PITPNC1: variants seen among roughly 807,000 people sequenced by gnomAD.
PITPNC1 encodes the protein cytoplasmic phosphatidylinositol transfer protein 1.
In PITPNC1, 18 loss-of-function variants were observed where a neutral mutation model predicts 44.7. The ratio of observed to expected loss-of-function variants is 0.40; its 90% CI spans 0.28 to 0.60. The LOEUF (loss-of-function observed/expected upper bound fraction) is 0.60, where lower values mean the gene tolerates loss of function less well. PITPNC1 is among the 20% of genes least tolerant of loss of function. PITPNC1 has a pLI of 0.39. For synonymous variants in PITPNC1, 141 were observed against 149.6 expected (o/e 0.94, Z 0.42); for missense variants, 290 against 418.4 (o/e 0.69, Z 2.68).
chr17:67,447,685 C>T (rs1175182788), intron 1 of PITPNC1, among the ~76,000 whole-genome samples: 1 of 149,944 alleles, frequency 6.7e-6, no homozygotes. Flanking sequence ...TTTTTTGGTG[C>T]CTCGGACATG....
intron 1 of PITPNC1, among the ~76,000 whole-genome samples, chr17:67,467,495 T>C (rs1381396610): frequency 6.6e-6 from 1 of 152,230 alleles, no homozygotes; most frequent in East Asian, 1.9e-4. Context: ...ATGGATGTTG[T>C]CATAGGCTTT....
chr17:67,594,426 T>C (rs914640823), intron 5 of PITPNC1, among the ~76,000 whole-genome samples: 2 of 152,174 alleles, frequency 1.3e-5, no homozygotes, highest in African/African-American at 4.8e-5. Context: ...CTGCAGTCCC[T>C]ATTCCTTTTT....
intron 1 of PITPNC1, chr17:67,408,729 C>T (rs66834140): frequency 0.56 from 73,595 of 130,360 alleles, 20,745 homozygotes; most frequent in African/African-American, 0.67. Flanking sequence ...TTCCTTCCTT[C>T]CTTTCTTTCT....
chr17:67,606,240 A>C (rs1442995323), intron 5 of PITPNC1, among the ~76,000 whole-genome samples: 4 of 152,236 alleles, frequency 2.6e-5, no homozygotes, highest in Admixed American at 1.3e-4. Context: ...ATGGGACTGA[A>C]AGAAATGAGA....
intron 4 of PITPNC1, among the ~76,000 whole-genome samples, chr17:67,570,529 G>A (rs994175802): frequency 6.6e-6 from 1 of 152,168 alleles, no homozygotes. Flanking sequence ...CAGCTTTCTC[G>A]TCCACATTGC....
intron 1 of PITPNC1, among the ~76,000 whole-genome samples, chr17:67,480,590 T>TGA (rs1267735303): frequency 6.6e-6 from 1 of 152,174 alleles, no homozygotes; most frequent in Non-Finnish European, 1.5e-5. Flanking sequence ...TGATATTAAG[T>TGA]GAGAGAGTCT....
At position 67,552,358 on chromosome 17, in the gene PITPNC1, T is replaced by A. The variant is rs1472533223; in HGVS notation, c.286+13T>A. Reference sequence around the variant, plus strand: ...TACACAATTACAGGTAAGTCCTTAGTACAACCATATGGCACATGTAGTGAG... The same window carrying A: ...TACACAATTACAGGTAAGTCCTTAGAACAACCATATGGCACATGTAGTGAG... On this transcript the variant is annotated intron_variant, in intron 3 of 8. Transcript: ENST00000581322. 8.9e-6 allele frequency: 11 copies of A among 1,240,060 alleles called. No homozygotes were observed. In the East Asian group the frequency reaches 2.5e-4, roughly 29 times the overall value. The allele number at this position is 1,240,060 out of a possible 1,614,324, so 76.8% of individuals were successfully genotyped here.
At chr17:67,461,743 G>A (rs2039341188) in intron 1 of PITPNC1, among the ~76,000 whole-genome samples, 1 of 152,224 alleles carries the variant, frequency 6.6e-6, no homozygotes, top group Non-Finnish European at 1.5e-5. Flanking sequence ...GAGGGCAGAA[G>A]TCTGAGGCTG....
intron 2 of PITPNC1, among the ~76,000 whole-genome samples, chr17:67,539,414 T>C (rs947305386): frequency 2.0e-5 from 3 of 152,238 alleles, no homozygotes; most frequent in African/African-American, 7.2e-5. Context: ...GCGATTCAAG[T>C]ATCTGTGAAT....
intron 1 of PITPNC1, among the ~76,000 whole-genome samples, chr17:67,386,952 A>G (rs969442673): frequency 1.3e-5 from 2 of 152,206 alleles, no homozygotes; most frequent in African/African-American, 4.8e-5. Context: ...TCCCAAGTGA[A>G]GATTTTTCTT....
intron 1 of PITPNC1, among the ~76,000 whole-genome samples, chr17:67,400,633 A>G (rs1026229436): frequency 1.3e-5 from 2 of 152,074 alleles, no homozygotes; most frequent in South Asian, 2.1e-4. Flanking sequence ...TTTATTTAGC[A>G]GTGGATGTCC....
chr17:67,519,062 C>T (rs761823082), intron 1 of PITPNC1, among the ~76,000 whole-genome samples: 13 of 151,594 alleles, frequency 8.6e-5, no homozygotes, highest in Non-Finnish European at 1.6e-4. Context: ...TCAAAAAGTT[C>T]AACATAGAAT....
At chr17:67,519,378 T>C (rs571069719) in intron 1 of PITPNC1, among the ~76,000 whole-genome samples, 1 of 152,192 alleles carries the variant, frequency 6.6e-6, no homozygotes, top group South Asian at 2.1e-4. Context: ...GGTTTCACCA[T>C]GTTGGCCAGG....
At chr17:67,681,062 C>T (rs964695976) in intron 8 of PITPNC1, among the ~76,000 whole-genome samples, 1 of 152,160 alleles carries the variant, frequency 6.6e-6, no homozygotes, top group Non-Finnish European at 1.5e-5. Flanking sequence ...CTGTGTGGTA[C>T]AATGAAGGAA....
At chr17:67,481,203 G>A (rs966394099) in intron 1 of PITPNC1, among the ~76,000 whole-genome samples, 6 of 152,230 alleles carry the variant, frequency 3.9e-5, no homozygotes, top group African/African-American at 7.2e-5. Context: ...GCGAGACCTG[G>A]CCTGCCTTGT....
At chr17:67,494,160 CCT>C (rs1491188167) in intron 1 of PITPNC1, among the ~76,000 whole-genome samples, 3 of 42,018 alleles carry the variant, frequency 7.1e-5, no homozygotes, top group Non-Finnish European at 1.0e-4. Flanking sequence ...ATATGTGTAA[CCT>C]CTTTCTTTCT....
chr17:67,647,505 G>GTTTTTTTT (rs2042166282), intron 6 of PITPNC1, among the ~76,000 whole-genome samples: 1 of 122,648 alleles, frequency 8.2e-6, no homozygotes, highest in African/African-American at 3.6e-5. Context: ...TAGAGACGGG[G>GTTTTTTTT]TTTCACCATG....
intron 1 of PITPNC1, among the ~76,000 whole-genome samples, chr17:67,511,632 C>A (rs1275743924): frequency 6.6e-6 from 1 of 151,550 alleles, no homozygotes; most frequent in Non-Finnish European, 1.5e-5. Context: ...CTTCAGCCTC[C>A]CGAGTAGCTG....
intron 2 of PITPNC1, among the ~76,000 whole-genome samples, chr17:67,545,517 A>C (rs145354564): frequency 0.019 from 2,965 of 152,286 alleles, 85 homozygotes; most frequent in African/African-American, 0.068. Context: ...TGGAGGTTGC[A>C]GCGAGCTGAG....
Sources: gnomAD v4.1 joint callset for allele counts (sites outside exome capture counted in the v4.1 genomes callset) on GRCh38, gnomAD v4.1.1 for gene constraint, MANE v1.5 for transcripts, NCBI Gene and HGNC (gene_info 2026-07-23, HGNC 2026-07-21) for gene names.